Variants in MFSD6 observed in about 807,000 individuals in gnomAD.
The protein encoded by MFSD6 is major facilitator superfamily domain containing 6.
Under a neutral mutation model 56.3 loss-of-function variants are expected in MFSD6, and 26 were observed. That is an observed-to-expected ratio of 0.46 (90% CI 0.34 to 0.64). MFSD6 has a LOEUF of 0.64. MFSD6 is among the 30% of genes least tolerant of loss of function. The pLI is 0.01. For synonymous variants in MFSD6, 331 were observed against 366.9 expected (o/e 0.90, Z 1.12); for missense variants, 750 against 986.2 (o/e 0.76, Z 3.21).
chr2:190,408,553 C>G (rs1314707026), intron 1 of MFSD6, 50 bp downstream of exon 1: 1 of 151,802 alleles, frequency 6.6e-6, no homozygotes, highest in African/African-American at 2.4e-5. Context: ...CCGCCCTGGC[C>G]TCCCCCGCCC....
In MFSD6 at chr2:190,446,346, T is replaced by C. The variant is rs563433957; in HGVS notation, c.1532+8785T>C. Among the ~76,000 whole-genome samples the C allele has an allele frequency of 5.3e-5, 8 of 152,294 alleles. No homozygotes were observed. The South Asian group carries it at 1.0e-3, about 20-fold the overall frequency. ...ATCCAAGGCTGCACAGTTTGGGAAGTTCCCCCAGATCTCTTCACTGCCTGC... is the reference window on the plus strand; with the variant it reads ...ATCCAAGGCTGCACAGTTTGGGAAGCTCCCCCAGATCTCTTCACTGCCTGC... On this transcript the variant is annotated intron_variant, in intron 3 of 7. Transcript: ENST00000392328.
rs1400020193 is a variant in MFSD6, at chr2:190,417,709, C to T, written c.-54+2296C>T. On this transcript the variant is annotated intron_variant, in intron 2 of 7. Transcript: ENST00000392328. This position sits in a 1 kb window ranked among gnomAD's most constrained non-coding sequence, Gnocchi z 5.7. ...CTTTAGTCTTGGGATAAATCTTTTACGGATCCTCTGCTGCCTTTTCTTTCC... is the reference window on the plus strand; with the variant it reads ...CTTTAGTCTTGGGATAAATCTTTTATGGATCCTCTGCTGCCTTTTCTTTCC... Among the ~76,000 whole-genome samples the T allele has an allele frequency of 1.3e-5, 2 of 152,038 alleles. No homozygotes were observed. Among genetic ancestry groups the T allele is most frequent in the Non-Finnish European group, 2.9e-5 (2 of 67,988 alleles).
rs555655920 is a variant in MFSD6 at position 190,483,350 on chromosome 2, C to G, written c.1631-5307C>G. Among the ~76,000 whole-genome samples, 108 of 152,198 alleles carry G rather than the reference C, an allele frequency of 7.1e-4. 1 individual carries two copies. Among genetic ancestry groups the G allele is most frequent in the Middle Eastern group, 6.8e-3 (2 of 294 alleles). The stretch of plus-strand genomic sequence containing the variant: ...GCACCTAAGCTCTGAACTTGGACAC[C>G]TTGGGTTCAAATCCTATTCAACAAC... On this transcript the variant is annotated intron_variant, in intron 4 of 7. Coordinates refer to ENST00000392328, the MANE Select transcript of MFSD6 (RefSeq NM_017694.4).
At chr2:190,441,423 A>C (rs544581980) in intron 3 of MFSD6, among the ~76,000 whole-genome samples, 1 of 151,026 alleles carries the variant, frequency 6.6e-6, no homozygotes, top group South Asian at 2.1e-4. Flanking sequence ...GCCAAGGTTG[A>C]GAACCACCAG....
rs946772680 is a variant in MFSD6 at position 190,459,428 on chromosome 2, T to C, written c.1533-10330T>C. Among the ~76,000 whole-genome samples, 5 of 152,248 alleles carry C rather than the reference T, an allele frequency of 3.3e-5. No homozygotes were observed. The highest frequency in any genetic ancestry group is 7.3e-5 in the Non-Finnish European group (5 of 68,032). ...AGGAAATTATAGTGTTTGTGTCATA[T>C]GTATACCTTAAGCCATATCCTAGGA... On this transcript the variant is annotated intron_variant, in intron 3 of 7. Transcript: ENST00000392328. The surrounding 1 kb of genome is among the most constrained non-coding windows in gnomAD (Gnocchi z 5.3).
intron 3 of MFSD6, among the ~76,000 whole-genome samples, chr2:190,442,174 ATAGT>A (rs1686405691): frequency 3.3e-5 from 5 of 152,356 alleles, no homozygotes; most frequent in Admixed American, 3.3e-4. Flanking sequence ...CTTAATTCTC[ATAGT>A]AAATTTGGAA....
intron 3 of MFSD6, among the ~76,000 whole-genome samples, chr2:190,450,090 A>T (rs1274092517): frequency 2.0e-5 from 3 of 152,192 alleles, no homozygotes; most frequent in African/African-American, 7.2e-5. Flanking sequence ...AAAGCTCATA[A>T]AGTTTATTAC....
At position 190,463,058 on chromosome 2, in the gene MFSD6, A is replaced by C. The variant is rs1045549164; in HGVS notation, c.1533-6700A>C. On this transcript the variant is annotated intron_variant, in intron 3 of 7. Coordinates refer to ENST00000392328, the MANE Select transcript of MFSD6 (RefSeq NM_017694.4). This position sits in a 1 kb window ranked among gnomAD's most constrained non-coding sequence, Gnocchi z 4.4. ...CAGGAGATGCCATGGAGAGGACAAA[A>C]AAAGGGGAGAGAAGACAAGAGATTC... Among the ~76,000 whole-genome samples, 1 of 152,190 alleles carries C rather than the reference A, an allele frequency of 6.6e-6. No individual in the cohort carries two copies. Among genetic ancestry groups the C allele is most frequent in the African/African-American group, 2.4e-5 (1 of 41,446 alleles).
intron 4 of MFSD6, among the ~76,000 whole-genome samples, chr2:190,484,315 C>T (rs1243731511): frequency 6.6e-6 from 1 of 152,192 alleles, no homozygotes; most frequent in East Asian, 1.9e-4. Context: ...AGTGTAAACA[C>T]ATTTACCCAT....
intron 3 of MFSD6, among the ~76,000 whole-genome samples, chr2:190,449,172 A>G (rs6756354): frequency 0.23 from 34,999 of 152,016 alleles, 4,909 homozygotes; most frequent in South Asian, 0.33. Context: ...GTGCAAATGC[A>G]TAGTATGTTG....
In MFSD6 at chr2:190,431,381, C is replaced by T. The variant is rs900242837; in HGVS notation, c.-53-4596C>T. On this transcript the variant is annotated intron_variant, in intron 2 of 7. Transcript: ENST00000392328. This position sits in a 1 kb window ranked among gnomAD's most constrained non-coding sequence, Gnocchi z 4.4. ...CTGGGAGGTGGAGGTTGTAGCGAGC[C>T]GAGATCACCCCACTGCACTCCAGCC... is the stretch of plus-strand genomic sequence containing the variant. Among the ~76,000 whole-genome samples the T allele has an allele frequency of 1.3e-5, 2 of 152,200 alleles. No individual in the cohort carries two copies. The highest frequency in any genetic ancestry group is 2.9e-5 in the Non-Finnish European group (2 of 68,024).
At chr2:190,408,912 G>A (rs926776818) in intron 1 of MFSD6, among the ~76,000 whole-genome samples, 8 of 152,060 alleles carry the variant, frequency 5.3e-5, no homozygotes, top group African/African-American at 1.9e-4. Context: ...CCGATGCCCG[G>A]GTCCTCCTCC....
rs780889147 is a variant in MFSD6, at chr2:190,497,754, G to A, written c.2172+35G>A. 7 of 1,584,154 alleles carry A rather than the reference G, an allele frequency of 4.4e-6. No homozygotes were observed. Among genetic ancestry groups the A allele is most frequent in the Non-Finnish European group, 5.2e-6 (6 of 1,158,564 alleles). ...CTTTGCTGGGCTAGCAATATTACCT[G>A]TCACTCAAGATACCTTAACTGGGCT... is the stretch of plus-strand genomic sequence containing the variant. On this transcript the variant is annotated intron_variant, in intron 7 of 7. Coordinates refer to ENST00000392328, the MANE Select transcript of MFSD6 (RefSeq NM_017694.4). This position sits in a 1 kb window ranked among gnomAD's most constrained non-coding sequence, Gnocchi z 5.2.
intron 3 of MFSD6, among the ~76,000 whole-genome samples, chr2:190,449,930 G>A (rs963890261): frequency 3.3e-5 from 5 of 151,930 alleles, no homozygotes; most frequent in African/African-American, 7.2e-5. Context: ...CGAGTTAATG[G>A]GTGCAGCACA....
intron 3 of MFSD6, chr2:190,464,950 A>G (rs899814070): frequency 2.1e-5 from 21 of 976,884 alleles, no homozygotes; most frequent in Non-Finnish European, 2.6e-5. Flanking sequence ...ATAGTTGGTT[A>G]AATTTAGAAA....
rs551949817 is a variant in MFSD6, at chr2:190,409,933, C to T, written c.-176+1430C>T. ...GGAAGGATGGGACATTGTTAATGAG[C>T]CCAGTGCAGGATGCTCTGGGGAAAC... On this transcript the variant is annotated intron_variant, in intron 1 of 7. Transcript: ENST00000392328. 8.5e-5 allele frequency among the ~76,000 whole-genome samples: 13 copies of T among 152,198 alleles called. 1 individual carries two copies. The highest frequency in any genetic ancestry group is 2.9e-4 in the African/African-American group (12 of 41,526).
chr2:190,500,243 T>C lies in MFSD6; in HGVS notation c.*25T>C, dbSNP rs1559148587. 1 of 1,612,966 alleles carries C rather than the reference T, an allele frequency of 6.2e-7. No individual in the cohort carries two copies. The highest frequency in any genetic ancestry group is 1.3e-5 in the African/African-American group (1 of 74,908). On this transcript the variant is annotated 3_prime_UTR_variant, in exon 8 of 8. Coordinates refer to ENST00000392328, the MANE Select transcript of MFSD6 (RefSeq NM_017694.4). This position sits in a 1 kb window ranked among gnomAD's most constrained non-coding sequence, Gnocchi z 5.3. Reference sequence around the variant, plus strand: ...AGGGCATCCTGCTCATCTCACACCCTGCATGGAATCAGGCTCCTCAGCCAG... The same window carrying C: ...AGGGCATCCTGCTCATCTCACACCCCGCATGGAATCAGGCTCCTCAGCCAG...
chr2:190,433,530 T>C lies in MFSD6; in HGVS notation c.-53-2447T>C, dbSNP rs1037929914. The C allele has an allele frequency of 1.3e-5, 2 of 152,234 alleles. No homozygotes were observed. Among genetic ancestry groups the C allele is most frequent in the Admixed American group, 1.3e-4 (2 of 15,284 alleles). 9.4% of individuals were successfully genotyped at this position (152,234 alleles called of 1,614,324 possible). A position where few individuals can be genotyped will look rare whatever the true frequency, so the allele number is the denominator to read the frequency against. ...ACCTGATTTGGAAACTAAATAGAGG[T>C]GGTGGCCATATACATTGTGAATATA... is the stretch of plus-strand genomic sequence containing the variant. On this transcript the variant is annotated intron_variant, in intron 2 of 7. Transcript: ENST00000392328. This position sits in a 1 kb window ranked among gnomAD's most constrained non-coding sequence, Gnocchi z 4.5.
chr2:190,464,886 T>G (rs1041929407), intron 3 of MFSD6: 2 of 977,078 alleles, frequency 2.0e-6, no homozygotes, highest in South Asian at 4.7e-5. Context: ...TTATGTTCAC[T>G]GTGGTTTTTA....
Sources: gnomAD v4.1 joint callset for allele counts (sites outside exome capture counted in the v4.1 genomes callset) on GRCh38, gnomAD v4.1.1 for gene constraint, Gnocchi (gnomAD v3.1) non-coding constraint, MANE v1.5 for transcripts, NCBI Gene and HGNC (gene_info 2026-07-23, HGNC 2026-07-21) for gene names.